The following SCART1 variants were observed in gnomAD, a reference collection of about 807,000 sequenced individuals.
The protein encoded by SCART1 is scavenger receptor cysteine-rich domain-containing protein SCART1.
SCART1 carries 62 observed loss-of-function variants against 36.2 expected under a neutral mutation model. The observed-to-expected ratio is 1.71, with a 90% confidence interval of 1.40 to 2.12. SCART1 has a LOEUF of 2.12. Among genes scored for constraint, SCART1 ranks in the 30% most tolerant of loss-of-function variants. The pLI is 0.00. For missense variants in SCART1, 1,041 were observed against 540.5 expected (o/e 1.93, Z -9.18); for synonymous variants, 487 against 238.7 (o/e 2.04, Z -9.59).
At chr10:133,464,383 G>A in intron 6 of SCART1, 1 of 498,192 alleles carries the variant, frequency 2.0e-6, no homozygotes, top group Non-Finnish European at 3.5e-6. Context: ...ACCTGGGCGT[G>A]CAGATGTTTC....
rs146322660 is a variant in SCART1, at chr10:133,459,694, T to G, written c.1493T>G (p.Leu498Arg). ...AGCCGCGGATCCGTCCAGGTGGCGC[T>G]GAGCCGCGTGCGCTGTCTGGGCACC... The change falls in exon 6 of 12, where the codon CTG (leucine) becomes CGG (arginine). Residue 498 changes from leucine to arginine, a missense_variant. Transcript: ENST00000640237. 1,356 of 699,980 alleles carry G rather than the reference T, an allele frequency of 1.9e-3. 13 individuals are homozygous for G. In the African/African-American group the frequency reaches 0.021, roughly 11 times the overall value. The allele number at this position is 699,980 out of a possible 1,614,324, so 43.4% of individuals were successfully genotyped here.
exon 12 of SCART1, chr10:133,468,004 G>A (rs757327151): frequency 2.3e-5 from 15 of 651,434 alleles, no homozygotes; most frequent in Middle Eastern, 2.4e-4. Flanking sequence ...GCTGGCTGTC[G>A]AAATCACAGC....
exon 7 of SCART1, chr10:133,464,825 A>G (rs1426117726): frequency 2.8e-6 from 2 of 702,782 alleles, no homozygotes; most frequent in African/African-American, 1.7e-5. Context: ...GGTGGACAAC[A>G]TCGAGTGCCG....
exon 4 of SCART1, chr10:133,458,438 A>G (rs1271701507): frequency 2.9e-6 from 2 of 700,410 alleles, no homozygotes; most frequent in East Asian, 5.4e-5. Context: ...ACCGTCTGTG[A>G]TGCGGCCCTG....
chr10:133,463,487 T>C lies in SCART1; in HGVS notation c.1970-1119T>C, dbSNP rs146334194. On this transcript the variant is annotated intron_variant, in intron 6 of 11. Transcript: ENST00000640237. Reference sequence around the variant, plus strand: ...CCTGCCCCTGGTAACCACATTCTATTGTTTTTACGTATTTGACTTTTTTTT... The same window carrying C: ...CCTGCCCCTGGTAACCACATTCTATCGTTTTTACGTATTTGACTTTTTTTT... 1.8e-4 allele frequency among the ~76,000 whole-genome samples: 27 copies of C among 149,576 alleles called. No individual in the cohort carries two copies. The East Asian group carries it at 4.9e-3, about 27-fold the overall frequency.
chr10:133,458,792 A>G (rs951760035), intron 4 of SCART1, 136 bp downstream of exon 4: 2 of 671,480 alleles, frequency 3.0e-6, no homozygotes, highest in East Asian at 2.7e-5. Flanking sequence ...AAAGAAGCGC[A>G]GGGAAGAGAC....
intron 9 of SCART1, chr10:133,465,890 C>G (rs1053353647): frequency 2.9e-6 from 2 of 682,734 alleles, no homozygotes; most frequent in Non-Finnish European, 5.4e-6. Flanking sequence ...AAACAGTTAA[C>G]CACAGTGATG....
rs763100941 is a variant in SCART1 at position 133,457,314 on chromosome 10, C to G, written c.421C>G (p.Arg141Gly). Reference sequence around the variant, plus strand: ...CCGGGAGCTCCGGCTGGTGAAGGGCCGCAGTCCCTGCGCGGGACTCCCCGA... The same window carrying G: ...CCGGGAGCTCCGGCTGGTGAAGGGCGGCAGTCCCTGCGCGGGACTCCCCGA... Residue 141 changes from arginine to glycine, a missense_variant, in exon 3 of 12, where the codon CGC (arginine) becomes GGC (glycine). Coordinates refer to ENST00000640237, the Ensembl canonical transcript of SCART1. 7.1e-6 allele frequency: 5 copies of G among 699,838 alleles called. No homozygotes were observed. In the East Asian group the frequency reaches 1.3e-4, roughly 19 times the overall value. 43.4% of individuals were successfully genotyped at this position (699,838 alleles called of 1,614,324 possible).
exon 12 of SCART1, chr10:133,469,053 C>T (rs919349961): frequency 1.3e-5 from 2 of 152,160 alleles, no homozygotes; most frequent in African/African-American, 4.8e-5. Context: ...TGTTTCCTGA[C>T]TTTTTAATAA....
exon 12 of SCART1, chr10:133,468,080 T>C (rs1850783690): frequency 1.7e-6 from 1 of 575,324 alleles, no homozygotes; most frequent in Non-Finnish European, 3.2e-6. Flanking sequence ...TCTCTTGCAA[T>C]GTCCTCCATG....
intron 6 of SCART1, among the ~76,000 whole-genome samples, chr10:133,462,554 G>T (rs919830561): frequency 1.3e-5 from 2 of 152,202 alleles, no homozygotes; most frequent in Non-Finnish European, 2.9e-5. Context: ...TGAAATTAAT[G>T]CTGAGTAACC....
intron 1 of SCART1, among the ~76,000 whole-genome samples, chr10:133,455,909 A>G (rs923650919): frequency 2.0e-5 from 3 of 151,762 alleles, no homozygotes; most frequent in African/African-American, 7.3e-5. Context: ...GAAGTAGGGG[A>G]ATGATGCTTG....
rs1013530830 is a variant in SCART1, at chr10:133,465,062, T to C, written c.2276-44T>C. The C allele has an allele frequency of 2.3e-5, 16 of 702,422 alleles. No individual in the cohort carries two copies. In the Admixed American group the frequency reaches 3.0e-4, roughly 13 times the overall value. 43.5% of individuals were successfully genotyped at this position (702,422 alleles called of 1,614,324 possible). A position where few individuals can be genotyped will look rare whatever the true frequency, so the allele number is the denominator to read the frequency against. On this transcript the variant is annotated intron_variant, in intron 7 of 11. Transcript: ENST00000640237. ...GGATCCACAGCCTTCCTTGTGAAGC[T>C]TCTCTGGGCACCGAAGCTCTCAGAG...
exon 8 of SCART1, chr10:133,465,123 C>A (rs892138188): frequency 5.7e-6 from 4 of 703,074 alleles, no homozygotes; most frequent in Non-Finnish European, 1.0e-5. Context: ...AGAGGACAGG[C>A]CACAGGCTGC....
chr10:133,459,843 G>T (rs753871432), exon 6 of SCART1: 1 of 566,488 alleles, frequency 1.8e-6, no homozygotes, highest in Admixed American at 3.2e-5. Flanking sequence ...CCGTCGCCAC[G>T]GGATCCCGGG....
chr10:133,467,646 C>T (rs1423302990), intron 11 of SCART1, among the ~76,000 whole-genome samples: 1 of 152,168 alleles, frequency 6.6e-6, no homozygotes, highest in Non-Finnish European at 1.5e-5. Flanking sequence ...GCAGCTCACT[C>T]AGCCTCAGTT....
At chr10:133,457,315 G>A (rs768873093) in exon 3 of SCART1, 81 of 699,246 alleles carry the variant, frequency 1.2e-4, no homozygotes, top group Non-Finnish European at 1.8e-4. Flanking sequence ...GTGAAGGGCC[G>A]CAGTCCCTGC....
exon 10 of SCART1, chr10:133,466,358 G>A (rs759463564): frequency 2.1e-5 from 15 of 702,800 alleles, no homozygotes; most frequent in African/African-American, 1.0e-4. Flanking sequence ...ATTCTGCCTC[G>A]AGTCACACAA....
At chr10:133,457,791 T>C in intron 3 of SCART1, 3 of 558,558 alleles carry the variant, frequency 5.4e-6, no homozygotes, top group Non-Finnish European at 9.4e-6. Context: ...GTGTCCTGGC[T>C]CAGAACCCGC....
Sources: gnomAD v4.1 joint callset for allele counts (sites outside exome capture counted in the v4.1 genomes callset) on GRCh38, gnomAD v4.1.1 for gene constraint, MANE v1.5 for transcripts, NCBI Gene and HGNC (gene_info 2026-07-23, HGNC 2026-07-21) for gene names.